The following CDC42BPA variants were observed in gnomAD, a reference collection of about 807,000 sequenced individuals.
CDC42BPA encodes the protein serine/threonine-protein kinase MRCK alpha.
CDC42BPA carries 80 observed loss-of-function variants against 223.5 expected under a neutral mutation model. That is an observed-to-expected ratio of 0.36 (90% CI 0.30 to 0.43). The LOEUF (loss-of-function observed/expected upper bound fraction) is 0.43, where lower values mean the gene tolerates loss of function less well. Among genes scored for constraint, CDC42BPA ranks in the 20% least tolerant of loss-of-function variants. CDC42BPA has a pLI of 1.00. For missense variants in CDC42BPA, 1,743 were observed against 2,099.9 expected (o/e 0.83, Z 3.32); for synonymous variants, 694 against 718.6 (o/e 0.97, Z 0.55).
chr1:227,044,070 T>A (rs895735205), intron 23 of CDC42BPA, among the ~76,000 whole-genome samples: 3 of 151,866 alleles, frequency 2.0e-5, no homozygotes, highest in African/African-American at 7.2e-5. Flanking sequence ...ATTCTAAAAT[T>A]AAATTTTAAA....
intron 1 of CDC42BPA, among the ~76,000 whole-genome samples, chr1:227,275,974 T>TCCCAGCC (rs1686913350): frequency 6.6e-6 from 1 of 152,114 alleles, no homozygotes; most frequent in Non-Finnish European, 1.5e-5. Flanking sequence ...CCCAGCCACC[T>TCCCAGCC]GCCTTGGCCT....
chr1:227,111,370 T>C (rs1428373717), intron 14 of CDC42BPA, among the ~76,000 whole-genome samples: 1 of 152,226 alleles, frequency 6.6e-6, no homozygotes, highest in Non-Finnish European at 1.5e-5. Flanking sequence ...ATATACATAA[T>C]ACTATTATAC....
At chr1:227,075,693 A>G (rs1411083312) in intron 17 of CDC42BPA, among the ~76,000 whole-genome samples, 1 of 152,216 alleles carries the variant, frequency 6.6e-6, no homozygotes, top group Non-Finnish European at 1.5e-5. Context: ...TCTATAGTGT[A>G]GAGAATAAAT....
chr1:227,230,816 C>CTTTTTTTTTTTTTTTTTTTTTTTT lies in CDC42BPA; in HGVS notation c.271-17598_271-17597insAAAAAAAAAAAAAAAAAAAAAAAA, dbSNP rs34787332. ...ACTGATTTCTATTTCTTTTTTCTTT[C>CTTTTTTTTTTTTTTTTTTTTTTTT]TTTCTTTTTTTTTTTTTTTTTTTGA... On this transcript the variant is annotated intron_variant, in intron 2 of 36. Transcript: ENST00000366766. Among the ~76,000 whole-genome samples, 76 of 54,058 alleles carry CTTTTTTTTTTTTTTTTTTTTTTTT rather than the reference C, an allele frequency of 1.4e-3. 7 individuals are homozygous for CTTTTTTTTTTTTTTTTTTTTTTTT. The highest frequency in any genetic ancestry group is 2.0e-3 in the Non-Finnish European group (51 of 26,042). The allele number at this position is 54,058 out of a possible 152,430, so 35.5% of individuals were successfully genotyped here.
At position 227,222,082 on chromosome 1, in the gene CDC42BPA, A is replaced by G. The variant is rs1057285423; in HGVS notation, c.271-8863T>C. On this transcript the variant is annotated intron_variant, in intron 2 of 36. Transcript: ENST00000366766. Reference sequence around the variant, plus strand: ...AAAAAAAAAAAAAAAAAAAAAAATTAATTAGTCAGGGATAGTGGTGCATGC... The same window carrying G: ...AAAAAAAAAAAAAAAAAAAAAAATTGATTAGTCAGGGATAGTGGTGCATGC... 2.8e-5 allele frequency among the ~76,000 whole-genome samples: 4 copies of G among 145,392 alleles called. No homozygotes were observed. The Admixed American group carries it at 2.8e-4, about 10-fold the overall frequency.
chr1:227,276,036 G>A (rs1407161958), intron 1 of CDC42BPA, among the ~76,000 whole-genome samples: 5 of 152,198 alleles, frequency 3.3e-5, no homozygotes, highest in Non-Finnish European at 5.9e-5. Flanking sequence ...CCTCTGGGAA[G>A]TGAGGAGCGT....
At chr1:227,185,328 C>A (rs560319455) in intron 5 of CDC42BPA, among the ~76,000 whole-genome samples, 11 of 152,110 alleles carry the variant, frequency 7.2e-5, no homozygotes, top group Non-Finnish European at 1.5e-4. Context: ...CTTTGATATG[C>A]AAATGTTAGC....
intron 9 of CDC42BPA, 102 bp from the exon 10 acceptor site, chr1:227,139,844 T>C (rs1659360675): frequency 3.5e-6 from 2 of 572,174 alleles, no homozygotes; most frequent in Non-Finnish European, 5.4e-6. Context: ...TCCACATTTA[T>C]GGCAAAAACA....
At chr1:227,036,325 T>C (rs1670215497) in intron 24 of CDC42BPA, among the ~76,000 whole-genome samples, 1 of 152,136 alleles carries the variant, frequency 6.6e-6, no homozygotes, top group Admixed American at 6.5e-5. Context: ...AAGGTCTTGC[T>C]ATGTTGCCCA....
chr1:227,213,083 T>C, intron 3 of CDC42BPA, 53 bp downstream of exon 3: 3 of 924,816 alleles, frequency 3.2e-6, no homozygotes, highest in African/African-American at 3.5e-5. Context: ...ATTTTATAAT[T>C]CCTGAAAAAT....
intron 10 of CDC42BPA, among the ~76,000 whole-genome samples, chr1:227,130,287 C>CGTGT (rs757155482): frequency 6.6e-6 from 1 of 151,302 alleles, no homozygotes; most frequent in Non-Finnish European, 1.5e-5. Flanking sequence ...TGCATATGTA[C>CGTGT]GTGTGTGTGT....
Position 227,317,256 on chromosome 1 carries a change from A to G in CDC42BPA, c.-74T>C. ...TTACTATTATCTGAACCTAAATTTTAAAAGGTATGGTTTTAAAAATAAACC... is the reference window on the plus strand; with the variant it reads ...TTACTATTATCTGAACCTAAATTTTGAAAGGTATGGTTTTAAAAATAAACC... On this transcript the variant is annotated 5_prime_UTR_variant, in exon 1 of 37. Transcript: ENST00000366766. 1.3e-6 allele frequency: 2 copies of G among 1,483,964 alleles called. No homozygotes were observed. Among genetic ancestry groups the G allele is most frequent in the Non-Finnish European group, 1.8e-6 (2 of 1,095,602 alleles). 91.9% of individuals were successfully genotyped at this position (1,483,964 alleles called of 1,614,324 possible). A position where few individuals can be genotyped will look rare whatever the true frequency, so the allele number is the denominator to read the frequency against.
At chr1:227,095,018 T>C (rs1326659035) in intron 15 of CDC42BPA, among the ~76,000 whole-genome samples, 1 of 152,198 alleles carries the variant, frequency 6.6e-6, no homozygotes, top group Non-Finnish European at 1.5e-5. Flanking sequence ...AGTCTGCAAA[T>C]GACAGCAGAA....
rs1657913412 is a variant in CDC42BPA, at chr1:227,133,877, T to C, written c.1391-4646A>G. 3.9e-5 allele frequency among the ~76,000 whole-genome samples: 6 copies of C among 151,996 alleles called. No homozygotes were observed. In the South Asian group the frequency reaches 1.2e-3, roughly 32 times the overall value. On this transcript the variant is annotated intron_variant, in intron 10 of 36. Transcript: ENST00000366766. ...GGAAAACCAGAGACCTTTGTTCACT[T>C]GTTTATCTGCTGACATTCCCTCCAC... is the stretch of plus-strand genomic sequence containing the variant.
chr1:227,000,166 G>A (rs764747780), intron 35 of CDC42BPA, among the ~76,000 whole-genome samples: 2 of 151,346 alleles, frequency 1.3e-5, no homozygotes, highest in African/African-American at 2.4e-5. Flanking sequence ...AAGGCCCCTC[G>A]GACTGAGAAT....
intron 5 of CDC42BPA, among the ~76,000 whole-genome samples, chr1:227,162,457 A>G (rs923921835): frequency 1.8e-4 from 28 of 152,186 alleles, no homozygotes; most frequent in African/African-American, 6.8e-4. Flanking sequence ...AAAACTATGT[A>G]CTTTTTAAAA....
At chr1:227,175,199 GA>G (rs1244487078) in intron 5 of CDC42BPA, among the ~76,000 whole-genome samples, 1 of 151,908 alleles carries the variant, frequency 6.6e-6, no homozygotes, top group Non-Finnish European at 1.5e-5. Context: ...AACTTATATA[GA>G]ATTCATGGTC....
chr1:227,134,244 C>A (rs1454816873), intron 10 of CDC42BPA, among the ~76,000 whole-genome samples: 1 of 152,114 alleles, frequency 6.6e-6, no homozygotes, highest in African/African-American at 2.4e-5. Context: ...ACCCTTCTCT[C>A]CTCCATTGTA....
chr1:227,316,594 TCTC>T (rs1694437960), intron 1 of CDC42BPA, among the ~76,000 whole-genome samples: 1 of 152,212 alleles, frequency 6.6e-6, no homozygotes, highest in Admixed American at 6.5e-5. Context: ...TATTTTAATA[TCTC>T]CTCCTATTTT....
Sources: gnomAD v4.1 joint callset for allele counts (sites outside exome capture counted in the v4.1 genomes callset) on GRCh38, gnomAD v4.1.1 for gene constraint, MANE v1.5 for transcripts, NCBI Gene and HGNC (gene_info 2026-07-23, HGNC 2026-07-21) for gene names.